Variants in INPP5B observed in about 807,000 individuals in gnomAD.
The protein encoded by INPP5B is type II inositol 1,4,5-trisphosphate 5-phosphatase.
INPP5B carries 90 observed loss-of-function variants against 118.5 expected under a neutral mutation model. The ratio of observed to expected loss-of-function variants is 0.76; its 90% CI spans 0.64 to 0.90. The LOEUF (loss-of-function observed/expected upper bound fraction) is 0.90. Ranked by LOEUF, INPP5B falls within the 40% of genes least tolerant of loss-of-function variation. The pLI is 0.00. For missense variants in INPP5B, 984 were observed against 1,125.6 expected (o/e 0.87, Z 1.80); for synonymous variants, 385 against 418.9 (o/e 0.92, Z 0.99).
At chr1:37,900,453 C>A (rs901780248) in intron 7 of INPP5B, among the ~76,000 whole-genome samples, 8 of 150,770 alleles carry the variant, frequency 5.3e-5, no homozygotes, top group Admixed American at 5.3e-4. Flanking sequence ...CGGGGTTTCA[C>A]AATGTTGGTC....
chr1:37,902,627 G>C (rs375794958), intron 7 of INPP5B, among the ~76,000 whole-genome samples: 1 of 151,848 alleles, frequency 6.6e-6, no homozygotes, highest in Non-Finnish European at 1.5e-5. Flanking sequence ...GCACAATCTC[G>C]GCTCACTGCA....
intron 7 of INPP5B, among the ~76,000 whole-genome samples, chr1:37,918,780 T>C (rs143743710): frequency 6.6e-6 from 1 of 152,302 alleles, no homozygotes; most frequent in East Asian, 1.9e-4. Context: ...ACAATCTACA[T>C]GGGTCACGAA....
intron 17 of INPP5B, among the ~76,000 whole-genome samples, chr1:37,875,286 T>A (rs903845386): frequency 1.3e-5 from 2 of 152,126 alleles, no homozygotes; most frequent in Admixed American, 6.5e-5. Flanking sequence ...CTTTTTTTTT[T>A]GAGATGGAGT....
chr1:37,883,107 A>T (rs897372255), intron 13 of INPP5B, 189 bp from the exon 14 acceptor site: 1 of 985,302 alleles, frequency 1.0e-6, no homozygotes, highest in African/African-American at 1.7e-5. Flanking sequence ...TTGCTCAATT[A>T]TCTTGGTCCA....
chr1:37,885,657 G>T lies in INPP5B; in HGVS notation c.1300C>A (p.Leu434Ile). ...ACTCACTCATGGTTGCTGATGGTGA[G>T]AGGGGGAAGGCTTGGGTCAGGCTGA... Reference protein sequence around the residue: ...FCQPDPSLPPLTISNHDVILW... With the variant: ...FCQPDPSLPPITISNHDVILW... Residue 434 changes from leucine to isoleucine, a missense_variant, in exon 13 of 24, where the codon CTC (leucine) becomes ATC (isoleucine). Leu to Ile is a conservative substitution (Grantham distance 5, BLOSUM62 2). Transcript: ENST00000373024. The T allele has an allele frequency of 3.1e-6, 5 of 1,613,854 alleles. No homozygotes were observed. Among genetic ancestry groups the T allele is most frequent in the Non-Finnish European group, 4.2e-6 (5 of 1,179,986 alleles).
intron 6 of INPP5B, among the ~76,000 whole-genome samples, chr1:37,934,921 C>T (rs1645627203): frequency 6.6e-6 from 1 of 151,742 alleles, no homozygotes; most frequent in African/African-American, 2.4e-5. Context: ...GAGTCTTGGC[C>T]GGGCGCAGTG....
chr1:37,914,576 C>T (rs1644805938), intron 7 of INPP5B, among the ~76,000 whole-genome samples: 2 of 152,202 alleles, frequency 1.3e-5, no homozygotes, highest in African/African-American at 2.4e-5. Flanking sequence ...ACCCCTGATC[C>T]TGGGTATATC....
At chr1:37,889,808 A>T in intron 8 of INPP5B, 84 bp from the exon 9 acceptor site, 3 of 1,010,842 alleles carry the variant, frequency 3.0e-6, no homozygotes, top group Non-Finnish European at 4.4e-6. Context: ...GTTCCCCTAT[A>T]CAAGCATCTA....
At chr1:37,928,262 C>T (rs189222487) in intron 7 of INPP5B, among the ~76,000 whole-genome samples, 2 of 152,248 alleles carry the variant, frequency 1.3e-5, no homozygotes, top group East Asian at 1.9e-4. Flanking sequence ...CAATCGCCAC[C>T]TCCCGGGTTC....
intron 23 of INPP5B, among the ~76,000 whole-genome samples, chr1:37,863,072 G>C (rs1641795564): frequency 6.6e-6 from 1 of 152,190 alleles, no homozygotes; most frequent in South Asian, 2.1e-4. Context: ...GAGCGTGGTA[G>C]GGATGGTTGA....
In INPP5B at chr1:37,943,675, G is replaced by C; in HGVS notation, c.251-6C>G. The C allele has an allele frequency of 6.2e-7, 1 of 1,614,034 alleles. No homozygotes were observed. Among genetic ancestry groups the C allele is most frequent in the Non-Finnish European group, 8.5e-7 (1 of 1,179,990 alleles). Reference sequence around the variant, plus strand: ...GAGTTCACCATCTGGGGACACTGTGGGGAGGGAAATGAGAATGCCCTTAGC... The same window carrying C: ...GAGTTCACCATCTGGGGACACTGTGCGGAGGGAAATGAGAATGCCCTTAGC... On this transcript the variant is annotated splice_region_variant and splice_polypyrimidine_tract_variant and intron_variant, in intron 4 of 23. Coordinates refer to ENST00000373024, the MANE Select transcript of INPP5B (RefSeq NM_005540.3).
intron 22 of INPP5B, among the ~76,000 whole-genome samples, chr1:37,865,346 G>A (rs1448265369): frequency 6.6e-6 from 1 of 152,234 alleles, no homozygotes; most frequent in Non-Finnish European, 1.5e-5. Context: ...ATTGGCAATA[G>A]AGAGCCAAGT....
intron 7 of INPP5B, 70 bp from the exon 8 acceptor site, chr1:37,891,524 C>T (rs1460822929): frequency 3.2e-5 from 38 of 1,200,926 alleles, no homozygotes; most frequent in Non-Finnish European, 1.8e-5. Flanking sequence ...CCTGTAATCC[C>T]AGCACTTTGG....
At chr1:37,873,468 A>G (rs1204419252) in intron 18 of INPP5B, 4 of 389,282 alleles carry the variant, frequency 1.0e-5, no homozygotes, top group Non-Finnish European at 1.9e-5. Flanking sequence ...GCATGGATCA[A>G]AGAGCCTTCC....
At chr1:37,936,050 AGTGAGACTCC>A (rs1195122115) in intron 6 of INPP5B, among the ~76,000 whole-genome samples, 31 of 152,262 alleles carry the variant, frequency 2.0e-4, no homozygotes, top group African/African-American at 7.2e-4. Flanking sequence ...TGGGCGACAG[AGTGAGACTCC>A]GTATCAAAAA....
intron 23 of INPP5B, among the ~76,000 whole-genome samples, chr1:37,862,954 G>T (rs940352529): frequency 4.6e-5 from 7 of 152,180 alleles, no homozygotes; most frequent in Admixed American, 2.6e-4. Context: ...GGGGGGTTGT[G>T]GGGGAGGCAG....
At chr1:37,902,645 C>T (rs1007922647) in intron 7 of INPP5B, among the ~76,000 whole-genome samples, 3 of 152,080 alleles carry the variant, frequency 2.0e-5, no homozygotes, top group Non-Finnish European at 2.9e-5. Flanking sequence ...GCAACCTCCA[C>T]CTCCCGGGTT....
chr1:37,946,326 G>A lies in INPP5B; in HGVS notation c.-18C>T, dbSNP rs767482225. The A allele has an allele frequency of 7.5e-6, 12 of 1,608,540 alleles. No individual in the cohort carries two copies. The South Asian group carries it at 8.9e-5, about 12-fold the overall frequency. ...TGGTCCATGCTGGCCCCTGCTGAGC[G>A]CACACACCCTGTGGGAGGGGAGATA... On this transcript the variant is annotated 5_prime_UTR_variant, in exon 2 of 24. Coordinates refer to ENST00000373024, the MANE Select transcript of INPP5B (RefSeq NM_005540.3).
intron 14 of INPP5B, 53 bp from the exon 15 acceptor site, chr1:37,880,247 T>G (rs1292163538): frequency 3.8e-6 from 5 of 1,313,652 alleles, no homozygotes; most frequent in Non-Finnish European, 5.5e-6. Context: ...GGTCAAACTT[T>G]GAATTAGTGG....
Sources: gnomAD v4.1 joint callset for allele counts (sites outside exome capture counted in the v4.1 genomes callset) on GRCh38, gnomAD v4.1.1 for gene constraint, MANE v1.5 for transcripts, NCBI Gene and HGNC (gene_info 2026-07-23, HGNC 2026-07-21) for gene names.